GLCE: variants seen among roughly 807,000 people sequenced by gnomAD.
GLCE encodes the protein D-glucuronyl C5-epimerase.
A neutral mutation model predicts 47.9 loss-of-function variants in GLCE; 19 were observed. The observed-to-expected ratio is 0.40, with a 90% CI of 0.28 to 0.58. GLCE has a LOEUF of 0.58. GLCE is among the 20% of genes least tolerant of loss of function. The probability of loss-of-function intolerance (pLI) is 0.48; values close to 1 mark genes in which losing one functional copy is unlikely to be tolerated. For synonymous variants in GLCE, 245 were observed against 263.4 expected, an observed-to-expected ratio of 0.93 and a Z score of 0.68; for missense variants, 556 against 743.3, an observed-to-expected ratio of 0.75 and a Z score of 2.93.
intron 1 of GLCE, among the ~76,000 whole-genome samples, chr15:69,206,807 C>T (rs542474524): frequency 1.8e-4 from 27 of 152,104 alleles, no homozygotes; most frequent in Non-Finnish European, 3.4e-4. Flanking sequence ...TCTCTGGGTA[C>T]TGGATATACT....
chr15:69,211,061 A>G (rs2052226910), intron 2 of GLCE, among the ~76,000 whole-genome samples: 1 of 152,134 alleles, frequency 6.6e-6, no homozygotes, highest in Non-Finnish European at 1.5e-5. Flanking sequence ...AGAGATTTAA[A>G]TATGCATATA....
chr15:69,194,046 T>C (rs1248040200), intron 1 of GLCE, among the ~76,000 whole-genome samples: 1 of 152,136 alleles, frequency 6.6e-6, no homozygotes, highest in Non-Finnish European at 1.5e-5. Context: ...TAGCAAATAC[T>C]GTCCCACAAA....
intron 2 of GLCE, among the ~76,000 whole-genome samples, chr15:69,226,097 T>C (rs1217858458): frequency 6.6e-6 from 1 of 151,614 alleles, no homozygotes; most frequent in Non-Finnish European, 1.5e-5. Flanking sequence ...CCTATTTTAA[T>C]CTTTTGTTAT....
At chr15:69,185,857 A>C (rs1383503984) in intron 1 of GLCE, among the ~76,000 whole-genome samples, 5 of 152,012 alleles carry the variant, frequency 3.3e-5, no homozygotes, top group Non-Finnish European at 7.4e-5. Flanking sequence ...CATCCTTCAG[A>C]CACCAGTTGC....
rs150905607 is a variant in GLCE at position 69,248,626 on chromosome 15, C to G, written c.-13-7168C>G. Among the ~76,000 whole-genome samples, 997 of 152,236 alleles carry G rather than the reference C, an allele frequency of 6.5e-3. 14 individuals carry two copies. The highest frequency in any genetic ancestry group is 0.023 in the African/African-American group (944 of 41,546). On this transcript the variant is annotated intron_variant, in intron 2 of 4. Transcript: ENST00000261858. The stretch of plus-strand genomic sequence containing the variant: ...AACAAACCGTTAATGAATGTCTACT[C>G]TGAGCTAGGCACAGTTTTTTTTTGC...
intron 2 of GLCE, among the ~76,000 whole-genome samples, chr15:69,238,202 G>C (rs1389281590): frequency 6.6e-6 from 1 of 152,158 alleles, no homozygotes; most frequent in Non-Finnish European, 1.5e-5. Context: ...CATAATGCTA[G>C]TAGTTTAAGA....
At chr15:69,171,516 C>T (rs1173156233) in intron 1 of GLCE, among the ~76,000 whole-genome samples, 2 of 151,694 alleles carry the variant, frequency 1.3e-5, no homozygotes, top group African/African-American at 4.9e-5. Flanking sequence ...CTTGCCTTAG[C>T]CTCCTGAGTA....
In GLCE at chr15:69,269,418, G is replaced by A; in HGVS notation, c.*174G>A. 1 of 602,144 alleles carries A rather than the reference G, an allele frequency of 1.7e-6. No individual in the cohort carries two copies. The highest frequency in any genetic ancestry group is 2.9e-6 in the Non-Finnish European group (1 of 343,230). 37.3% of individuals were successfully genotyped at this position (602,144 alleles called of 1,614,324 possible). A position where few individuals can be genotyped will look rare whatever the true frequency, so the allele number is the denominator to read the frequency against. The stretch of plus-strand genomic sequence containing the variant: ...CTAAAATAATTGCATTCCATGGGTT[G>A]GGTATTTAGAAATGTAGGTGGCATT... On this transcript the variant is annotated 3_prime_UTR_variant, in exon 5 of 5. Coordinates refer to ENST00000261858, the MANE Select transcript of GLCE (RefSeq NM_015554.3).
At chr15:69,211,044 A>C (rs531832364) in intron 2 of GLCE, among the ~76,000 whole-genome samples, 7 of 152,172 alleles carry the variant, frequency 4.6e-5, no homozygotes, top group Non-Finnish European at 2.9e-5. Context: ...TTGTATGAAA[A>C]CTTATTAGAG....
chr15:69,222,209 T>A lies in GLCE; in HGVS notation c.-14+11803T>A, dbSNP rs148481792. Reference sequence around the variant, plus strand: ...GGCTGGGCTAGAGGGGCTGAGGTACTCCCAGACTGCTGACAACAGCATTCC... The same window carrying A: ...GGCTGGGCTAGAGGGGCTGAGGTACACCCAGACTGCTGACAACAGCATTCC... On this transcript the variant is annotated intron_variant, in intron 2 of 4. Coordinates refer to ENST00000261858, the MANE Select transcript of GLCE (RefSeq NM_015554.3). Among the ~76,000 whole-genome samples, 88 of 152,342 alleles carry A rather than the reference T, an allele frequency of 5.8e-4. 1 individual carries two copies. The highest frequency in any genetic ancestry group is 3.7e-3 in the Admixed American group (56 of 15,300).
chr15:69,231,867 A>T (rs2052528058), intron 2 of GLCE, among the ~76,000 whole-genome samples: 2 of 152,060 alleles, frequency 1.3e-5, no homozygotes, highest in Non-Finnish European at 2.9e-5. Flanking sequence ...ATCTCTGCTC[A>T]CTGCAGCCTC....
intron 2 of GLCE, among the ~76,000 whole-genome samples, chr15:69,233,644 A>G (rs2052554851): frequency 6.6e-6 from 1 of 152,126 alleles, no homozygotes; most frequent in Non-Finnish European, 1.5e-5. Flanking sequence ...CTTATTACAT[A>G]TGTGCATTGT....
intron 1 of GLCE, chr15:69,196,848 A>G (rs1374810843): frequency 1.8e-5 from 3 of 171,110 alleles, no homozygotes; most frequent in Admixed American, 1.2e-4. Context: ...ACAACAATGA[A>G]CCATTTCTTG....
intron 1 of GLCE, among the ~76,000 whole-genome samples, chr15:69,195,733 A>T (rs970165774): frequency 6.6e-6 from 1 of 152,174 alleles, no homozygotes; most frequent in Non-Finnish European, 1.5e-5. Context: ...AACACAAATC[A>T]CAATGATTGA....
At chr15:69,180,405 G>A (rs1212480811) in intron 1 of GLCE, among the ~76,000 whole-genome samples, 1 of 152,076 alleles carries the variant, frequency 6.6e-6, no homozygotes, top group African/African-American at 2.4e-5. Flanking sequence ...TAAAAAAAAT[G>A]TAAGTTTACA....
chr15:69,266,568 C>T (rs1250545182), intron 4 of GLCE, among the ~76,000 whole-genome samples: 1 of 152,208 alleles, frequency 6.6e-6, no homozygotes, highest in Non-Finnish European at 1.5e-5. Context: ...AAGCAGTCCT[C>T]CTGCCTTGGC....
intron 1 of GLCE, among the ~76,000 whole-genome samples, chr15:69,182,776 G>A (rs972781475): frequency 2.0e-5 from 3 of 152,160 alleles, no homozygotes; most frequent in Non-Finnish European, 2.9e-5. Flanking sequence ...CACTTCGGGA[G>A]GCTGAGGCAG....
At chr15:69,203,239 A>G (rs2052101097) in intron 1 of GLCE, among the ~76,000 whole-genome samples, 7 of 152,130 alleles carry the variant, frequency 4.6e-5, no homozygotes, top group Admixed American at 4.6e-4. Context: ...ATGGTGTAAT[A>G]CTAATTAACT....
At chr15:69,236,099 G>T (rs1412259937) in intron 2 of GLCE, among the ~76,000 whole-genome samples, 1 of 152,206 alleles carries the variant, frequency 6.6e-6, no homozygotes, top group African/African-American at 2.4e-5. Context: ...CTATGTTGTG[G>T]CAGGTTATCA....
Sources: gnomAD v4.1 joint callset for allele counts (sites outside exome capture counted in the v4.1 genomes callset) on GRCh38, gnomAD v4.1.1 for gene constraint, MANE v1.5 for transcripts, NCBI Gene and HGNC (gene_info 2026-07-23, HGNC 2026-07-21) for gene names.